The following PTPRT variants were observed in gnomAD, a reference collection of about 807,000 sequenced individuals.
PTPRT encodes the protein protein tyrosine phosphatase receptor type T, also known as receptor-type tyrosine-protein phosphatase T.
In PTPRT, 56 loss-of-function variants were observed where a neutral mutation model predicts 176.8. The ratio of observed to expected loss-of-function variants is 0.32; its 90% CI spans 0.26 to 0.40. The LOEUF is 0.40. Among genes scored for constraint, PTPRT ranks in the 10% least tolerant of loss-of-function variants. The probability of loss-of-function intolerance (pLI) is 1.00; values close to 1 mark genes in which losing one functional copy is unlikely to be tolerated. For synonymous variants in PTPRT, 783 were observed against 739.0 expected, an observed-to-expected ratio of 1.06 and a Z score of -0.96; for missense variants, 1,540 against 1,908.2, an observed-to-expected ratio of 0.81 and a Z score of 3.60.
chr20:42,321,681 C>T (rs924582220), intron 11 of PTPRT, among the ~76,000 whole-genome samples: 15 of 152,278 alleles, frequency 9.9e-5, no homozygotes, highest in African/African-American at 3.4e-4. Flanking sequence ...TTACTGCTTG[C>T]CCCCAAATAG....
At chr20:42,218,756 G>A (rs745672747) in intron 15 of PTPRT, among the ~76,000 whole-genome samples, 2 of 152,232 alleles carry the variant, frequency 1.3e-5, no homozygotes, top group African/African-American at 2.4e-5. Context: ...ACTGAGCGGT[G>A]CACTGTCTCA....
intron 2 of PTPRT, among the ~76,000 whole-genome samples, chr20:42,815,526 T>G (rs2077767907): frequency 6.6e-6 from 1 of 152,166 alleles, no homozygotes; most frequent in South Asian, 2.1e-4. Flanking sequence ...TTCTGCCAGG[T>G]CAAACTTAGA....
chr20:42,185,145 G>A (rs182058261), intron 16 of PTPRT, among the ~76,000 whole-genome samples: 2 of 152,180 alleles, frequency 1.3e-5, no homozygotes, highest in Admixed American at 1.3e-4. Context: ...AGGTATCCAT[G>A]ACCACATAGA....
At chr20:43,159,905 C>A (rs1189361688) in intron 1 of PTPRT, among the ~76,000 whole-genome samples, 1 of 151,466 alleles carries the variant, frequency 6.6e-6, no homozygotes, top group East Asian at 1.9e-4. Flanking sequence ...AATCTGATGA[C>A]ATCCAGCACT....
At chr20:42,810,056 G>A (rs982450969) in intron 2 of PTPRT, among the ~76,000 whole-genome samples, 4 of 152,184 alleles carry the variant, frequency 2.6e-5, no homozygotes, top group African/African-American at 9.6e-5. Context: ...ACTTTGGGAG[G>A]CCGAAGTGGG....
chr20:42,823,903 T>C (rs1000712558), intron 2 of PTPRT, among the ~76,000 whole-genome samples: 1 of 151,758 alleles, frequency 6.6e-6, no homozygotes, highest in Non-Finnish European at 1.5e-5. Context: ...AAACTTGCAG[T>C]ACTGATTAAA....
intron 9 of PTPRT, among the ~76,000 whole-genome samples, chr20:42,444,460 C>T (rs1336798442): frequency 1.3e-5 from 2 of 152,184 alleles, no homozygotes; most frequent in African/African-American, 4.8e-5. Context: ...AAGCCACTCA[C>T]ATTTTGGGGG....
intron 7 of PTPRT, among the ~76,000 whole-genome samples, chr20:42,643,769 G>A (rs1234820320): frequency 6.6e-6 from 1 of 151,990 alleles, no homozygotes; most frequent in Non-Finnish European, 1.5e-5. Flanking sequence ...CACTATAAGA[G>A]AGCTCCTCAT....
intron 27 of PTPRT, 80 bp from the exon 28 acceptor site, chr20:42,085,933 CTTTTCTTTTTTTCT>C (rs1465887626): frequency 1.8e-5 from 26 of 1,420,564 alleles, no homozygotes; most frequent in African/African-American, 5.9e-5. Context: ...ACAAGCTTTT[CTTTTCTTTTTTTCT>C]TTTTCTTTTT....
At chr20:42,287,600 A>T (rs1026761102) in intron 12 of PTPRT, among the ~76,000 whole-genome samples, 9 of 151,846 alleles carry the variant, frequency 5.9e-5, no homozygotes, top group African/African-American at 9.7e-5. Context: ...AAAGGGAAAG[A>T]TTTGTTGAAG....
the PTPRT span, among the ~76,000 whole-genome samples, chr20:42,063,126 T>C: frequency 2.0e-5 from 3 of 152,206 alleles, no homozygotes; most frequent in African/African-American, 7.2e-5. Flanking sequence ...GTGGCATAGG[T>C]AAAGAAAAAT....
intron 12 of PTPRT, among the ~76,000 whole-genome samples, chr20:42,295,122 A>C (rs542926213): frequency 6.6e-6 from 1 of 152,316 alleles, no homozygotes; most frequent in Admixed American, 6.5e-5. Flanking sequence ...ATACTGAAAG[A>C]GTGCACAGTA....
chr20:42,466,121 C>A (rs1341967463), intron 8 of PTPRT, among the ~76,000 whole-genome samples: 1 of 152,182 alleles, frequency 6.6e-6, no homozygotes, highest in Non-Finnish European at 1.5e-5. Flanking sequence ...CTTTTTATGG[C>A]TGCAAATACC....
chr20:42,535,637 T>G (rs1338569104), intron 7 of PTPRT, among the ~76,000 whole-genome samples: 1 of 152,178 alleles, frequency 6.6e-6, no homozygotes, highest in African/African-American at 2.4e-5. Context: ...TGCTAACTTT[T>G]GGGGAATAAA....
At chr20:42,250,464 T>C (rs746556946) in intron 13 of PTPRT, among the ~76,000 whole-genome samples, 5 of 152,224 alleles carry the variant, frequency 3.3e-5, no homozygotes, top group Admixed American at 6.5e-5. Context: ...AATGCACTGA[T>C]GTTTAAGCCC....
At chr20:42,863,176 G>A (rs2078690842) in intron 2 of PTPRT, among the ~76,000 whole-genome samples, 1 of 152,192 alleles carries the variant, frequency 6.6e-6, no homozygotes, top group Admixed American at 6.5e-5. Flanking sequence ...GATGACACCT[G>A]GCAGTGCCTG....
intron 1 of PTPRT, among the ~76,000 whole-genome samples, chr20:43,161,636 T>C (rs1277365107): frequency 1.3e-5 from 2 of 152,006 alleles, no homozygotes; most frequent in Non-Finnish European, 2.9e-5. Flanking sequence ...TCAAACTTCC[T>C]CTCCAGAATC....
At chr20:42,501,216 C>A (rs2071745754) in intron 7 of PTPRT, among the ~76,000 whole-genome samples, 1 of 152,120 alleles carries the variant, frequency 6.6e-6, no homozygotes, top group African/African-American at 2.4e-5. Context: ...AGCATCTGCT[C>A]TTTTGTGTCA....
chr20:42,585,517 A>G (rs909227261), intron 7 of PTPRT, among the ~76,000 whole-genome samples: 3 of 152,096 alleles, frequency 2.0e-5, no homozygotes, highest in Middle Eastern at 3.2e-3. Context: ...TAGTTCCTCT[A>G]TTTGGTACCA....
Sources: allele counts gnomAD v4.1 joint callset (sites outside exome capture counted in the v4.1 genomes callset), GRCh38; gene constraint gnomAD v4.1.1; transcripts MANE v1.5; gene names NCBI Gene and HGNC (gene_info 2026-07-23, HGNC 2026-07-21).